The following CDH13 variants were observed in gnomAD, a reference collection of about 807,000 sequenced individuals.
The protein encoded by CDH13 is cadherin-13.
Under a neutral mutation model 63.8 loss-of-function variants are expected in CDH13, and 24 were observed. That is an observed-to-expected ratio of 0.38 (90% CI 0.27 to 0.53). The LOEUF is 0.53. Among genes scored for constraint, CDH13 ranks in the 20% least tolerant of loss-of-function variants. CDH13 has a pLI of 0.85. For missense variants in CDH13, 1,049 were observed against 903.1 expected (o/e 1.16, Z -2.07); for synonymous variants, 503 against 355.3 (o/e 1.42, Z -4.67).
intron 1 of CDH13, among the ~76,000 whole-genome samples, chr16:82,814,499 C>T (rs1386115022): frequency 6.6e-6 from 1 of 152,076 alleles, no homozygotes; most frequent in Non-Finnish European, 1.5e-5. Context: ...ATGATAACCC[C>T]AAAGGACAGG....
chr16:82,897,129 T>C (rs115414656), intron 2 of CDH13, among the ~76,000 whole-genome samples: 2,636 of 152,228 alleles, frequency 0.017, 75 homozygotes, highest in African/African-American at 0.059. Flanking sequence ...CAGAGAGTAC[T>C]TGAGCCAAAG....
In CDH13 at chr16:83,160,421, T is replaced by C. The variant is rs2037397220; in HGVS notation, c.483+34920T>C. Reference sequence around the variant, plus strand: ...GTAGCAATTAAGACTGTGGTTGTCATAGAGACAGACCTATGGCAATGGAGA... The same window carrying C: ...GTAGCAATTAAGACTGTGGTTGTCACAGAGACAGACCTATGGCAATGGAGA... On this transcript the variant is annotated intron_variant, in intron 4 of 13. Coordinates refer to ENST00000567109, the MANE Select transcript of CDH13 (RefSeq NM_001257.5). Among the ~76,000 whole-genome samples, 5 of 152,138 alleles carry C rather than the reference T, an allele frequency of 3.3e-5. No homozygotes were observed. The South Asian group carries it at 8.3e-4, about 25-fold the overall frequency.
intron 1 of CDH13, among the ~76,000 whole-genome samples, chr16:82,672,905 C>T (rs1294261227): frequency 6.6e-6 from 1 of 151,632 alleles, no homozygotes; most frequent in Admixed American, 6.6e-5. Flanking sequence ...ACTTCTACCT[C>T]CTGGGCTCAA....
In CDH13 at chr16:83,787,771, C is replaced by T. The variant is rs1462958448; in HGVS notation, c.2134+4299C>T. Among the ~76,000 whole-genome samples, 5 of 152,124 alleles carry T rather than the reference C, an allele frequency of 3.3e-5. No homozygotes were observed. The East Asian group carries it at 5.8e-4, about 18-fold the overall frequency. ...CAGCCTGGCCAACATGGCCAAACCC[C>T]GTCTCCACTAAAAATACAAAAATTA... On this transcript the variant is annotated intron_variant, in intron 13 of 13. Transcript: ENST00000567109.
In CDH13 at chr16:83,646,712, A is replaced by AAAAC. The variant is rs1168012793; in HGVS notation, c.1102-24077_1102-24076insAACA. ...CGTCTCAAAAAAAAAAAAAAAAAAAAACACACACACACACACACACACACA... is the reference window on the plus strand; with the variant it reads ...CGTCTCAAAAAAAAAAAAAAAAAAAAAAACACACACACACACACACACACACACA... On this transcript the variant is annotated intron_variant, in intron 8 of 13. Coordinates refer to ENST00000567109, the MANE Select transcript of CDH13 (RefSeq NM_001257.5). Among the ~76,000 whole-genome samples the AAAAC allele has an allele frequency of 9.6e-4, 77 of 80,516 alleles. 7 individuals are homozygous for AAAAC. Among genetic ancestry groups the AAAAC allele is most frequent in the East Asian group, 3.7e-3 (8 of 2,182 alleles). 52.8% of individuals were successfully genotyped at this position (80,516 alleles called of 152,430 possible). A position where few individuals can be genotyped will look rare whatever the true frequency, so the allele number is the denominator to read the frequency against.
chr16:83,553,614 A>G (rs1053825257), intron 7 of CDH13, among the ~76,000 whole-genome samples: 1 of 152,020 alleles, frequency 6.6e-6, no homozygotes, highest in African/African-American at 2.4e-5. Flanking sequence ...TGGAGTGCTG[A>G]GGCACGGTCT....
chr16:83,295,181 G>A (rs1350556499), intron 5 of CDH13, among the ~76,000 whole-genome samples: 15 of 152,118 alleles, frequency 9.9e-5, no homozygotes, highest in Admixed American at 9.8e-4. Context: ...TCCATATGCA[G>A]AAGAATGAAA....
intron 4 of CDH13, among the ~76,000 whole-genome samples, chr16:83,167,499 CAAAA>C (rs11430454): frequency 7.0e-5 from 7 of 99,550 alleles, no homozygotes; most frequent in Non-Finnish European, 1.2e-4. Flanking sequence ...GACCCTTTCC[CAAAA>C]AAAAAAAAAA....
At chr16:83,404,526 T>A (rs1478749526) in intron 6 of CDH13, among the ~76,000 whole-genome samples, 1 of 152,236 alleles carries the variant, frequency 6.6e-6, no homozygotes, top group African/African-American at 2.4e-5. Context: ...TGATTAATGT[T>A]GTTCTTATTA....
At chr16:83,000,330 C>A (rs1488736767) in intron 2 of CDH13, among the ~76,000 whole-genome samples, 1 of 139,410 alleles carries the variant, frequency 7.2e-6, no homozygotes, top group African/African-American at 2.7e-5. Context: ...CTCGCTGCAA[C>A]CTCCACCTCC....
rs2039522883 is a variant in CDH13, at chr16:83,216,425, T to TATATATATATATATAA, written c.484-905_484-904insAATATATATATATATA. Among the ~76,000 whole-genome samples, 8 of 101,080 alleles carry TATATATATATATATAA rather than the reference T, an allele frequency of 7.9e-5. 1 individual carries two copies. Among genetic ancestry groups the TATATATATATATATAA allele is most frequent in the Non-Finnish European group, 6.0e-5 (3 of 50,390 alleles). The allele number at this position is 101,080 out of a possible 152,430, so 66.3% of individuals were successfully genotyped here. ...ATATATATATATATATATATATATATATATATATATATATATATACACAAC... is the reference window on the plus strand; with the variant it reads ...ATATATATATATATATATATATATATATATATATATATATAAATATATATATATATATATACACAAC... On this transcript the variant is annotated intron_variant, in intron 4 of 13. Transcript: ENST00000567109.
intron 8 of CDH13, among the ~76,000 whole-genome samples, chr16:83,649,158 C>T (rs1017007372): frequency 1.3e-5 from 2 of 152,186 alleles, no homozygotes; most frequent in African/African-American, 4.8e-5. Flanking sequence ...TTAAAGTGGC[C>T]ACAGGCTGCT....
intron 2 of CDH13, among the ~76,000 whole-genome samples, chr16:82,986,309 C>A (rs1006409191): frequency 1.3e-5 from 2 of 152,154 alleles, no homozygotes; most frequent in Non-Finnish European, 2.9e-5. Context: ...AGGTCAGTGA[C>A]AAACCTTTGA....
rs939650760 is a variant in CDH13 at position 83,129,919 on chromosome 16, C to G, written c.483+4418C>G. ...CTCTGCTTTTACCTCATTTCCTGAA[C>G]TAGCATTCTCATGTCCTGGGCTTTT... On this transcript the variant is annotated intron_variant, in intron 4 of 13. Transcript: ENST00000567109. 2.0e-5 allele frequency among the ~76,000 whole-genome samples: 3 copies of G among 152,204 alleles called. No individual in the cohort carries two copies. The East Asian group carries it at 5.8e-4, about 29-fold the overall frequency.
chr16:83,360,074 C>G (rs1392774599), intron 6 of CDH13, among the ~76,000 whole-genome samples: 1 of 152,182 alleles, frequency 6.6e-6, no homozygotes, highest in Admixed American at 6.5e-5. Context: ...GCGTGTTGTT[C>G]AGGTTTCATC....
At chr16:83,498,162 A>G (rs912011486) in intron 7 of CDH13, among the ~76,000 whole-genome samples, 58 of 152,294 alleles carry the variant, frequency 3.8e-4, no homozygotes, top group Middle Eastern at 3.4e-3. Context: ...TAGAGCCCTG[A>G]TAGGTGAGAG....
At chr16:83,261,687 G>A (rs979168686) in intron 5 of CDH13, among the ~76,000 whole-genome samples, 3 of 149,006 alleles carry the variant, frequency 2.0e-5, no homozygotes, top group African/African-American at 4.9e-5. Context: ...TGATAGTGAC[G>A]GTTTTCTTTA....
Position 83,646,712 on chromosome 16 carries a change from A to AAAAAAAAAAACACAC in CDH13, c.1102-24077_1102-24076insAAAAAAAAACACACA, listed in dbSNP as rs1168012793. ...CGTCTCAAAAAAAAAAAAAAAAAAAAACACACACACACACACACACACACA... is the reference window on the plus strand; with the variant it reads ...CGTCTCAAAAAAAAAAAAAAAAAAAAAAAAAAAAAACACACACACACACACACACACACACACACA... On this transcript the variant is annotated intron_variant, in intron 8 of 13. Coordinates refer to ENST00000567109, the MANE Select transcript of CDH13 (RefSeq NM_001257.5). Among the ~76,000 whole-genome samples, 3 of 80,526 alleles carry AAAAAAAAAAACACAC rather than the reference A, an allele frequency of 3.7e-5. 1 individual carries two copies. Among genetic ancestry groups the AAAAAAAAAAACACAC allele is most frequent in the Non-Finnish European group, 7.3e-5 (3 of 40,832 alleles). 52.8% of individuals were successfully genotyped at this position (80,526 alleles called of 152,430 possible).
intron 7 of CDH13, among the ~76,000 whole-genome samples, chr16:83,559,600 G>C (rs1048384936): frequency 6.6e-6 from 1 of 150,560 alleles, no homozygotes; most frequent in African/African-American, 2.4e-5. Flanking sequence ...GAGAAAAGAA[G>C]GAAGGAAGGA....
Sources: gnomAD v4.1 joint callset for allele counts (sites outside exome capture counted in the v4.1 genomes callset) on GRCh38, gnomAD v4.1.1 for gene constraint, MANE v1.5 for transcripts, NCBI Gene and HGNC (gene_info 2026-07-23, HGNC 2026-07-21) for gene names.